The following PDE1A variants were observed in gnomAD, a reference collection of about 807,000 sequenced individuals.
PDE1A encodes the protein phosphodiesterase 1A, also known as dual specificity calcium/calmodulin-dependent 3',5'-cyclic nucleotide phosphodiesterase 1A.
In PDE1A, 35 loss-of-function variants were observed where a neutral mutation model predicts 61.7. The ratio of observed to expected loss-of-function variants is 0.57; its 90% confidence interval spans 0.43 to 0.75. PDE1A has a LOEUF of 0.75. PDE1A is among the 30% of genes least tolerant of loss of function. The pLI, the probability that PDE1A is intolerant of heterozygous loss-of-function variation, is 0.00. For synonymous variants in PDE1A, 232 were observed against 213.2 expected, an observed-to-expected ratio of 1.09 and a Z score of -0.77; for missense variants, 597 against 630.6, an observed-to-expected ratio of 0.95 and a Z score of 0.57.
At chr2:182,309,968 G>A (rs1695857907) in intron 1 of PDE1A, among the ~76,000 whole-genome samples, 1 of 152,100 alleles carries the variant, frequency 6.6e-6, no homozygotes, top group African/African-American at 2.4e-5. Context: ...CATCAAATTG[G>A]TTTTAGAAGT....
intron 2 of PDE1A, among the ~76,000 whole-genome samples, chr2:182,506,233 G>A (rs149875197): frequency 2.8e-3 from 420 of 152,088 alleles, no homozygotes; most frequent in African/African-American, 9.5e-3. Flanking sequence ...CAATCTGATC[G>A]AATTCTTTTT....
At chr2:182,300,467 A>G (rs1559312321) in intron 1 of PDE1A, among the ~76,000 whole-genome samples, 1 of 152,198 alleles carries the variant, frequency 6.6e-6, no homozygotes, top group Non-Finnish European at 1.5e-5. Flanking sequence ...AGACAATAGT[A>G]TGGACAAGCC....
chr2:182,265,549 T>G (rs1005517635), intron 1 of PDE1A, among the ~76,000 whole-genome samples: 3 of 152,138 alleles, frequency 2.0e-5, no homozygotes, highest in Non-Finnish European at 4.4e-5. Context: ...TTTTAAAGTA[T>G]AGGACTCAGC....
At chr2:182,646,100 T>A in the PDE1A span, among the ~76,000 whole-genome samples, 1 of 152,182 alleles carries the variant, frequency 6.6e-6, no homozygotes, top group South Asian at 2.1e-4. Flanking sequence ...CTTCAGCCAC[T>A]CTTTTACAGA....
chr2:182,564,126 G>C, the PDE1A span, among the ~76,000 whole-genome samples: 1 of 152,182 alleles, frequency 6.6e-6, no homozygotes, highest in Non-Finnish European at 1.5e-5. Context: ...TTGCTCGTTA[G>C]TTGATGCAGT....
At chr2:182,605,340 G>A in the PDE1A span, among the ~76,000 whole-genome samples, 1 of 152,052 alleles carries the variant, frequency 6.6e-6, no homozygotes, top group Non-Finnish European at 1.5e-5. Context: ...ATCAGTAGTG[G>A]CATATGAGAT....
At chr2:182,599,409 T>G in the PDE1A span, among the ~76,000 whole-genome samples, 30,955 of 152,042 alleles carry the variant, frequency 0.2, 3,339 homozygotes, top group Middle Eastern at 0.32. Context: ...ATGCCTTTTA[T>G]GACCCAGCCT....
chr2:182,679,393 G>A, the PDE1A span, among the ~76,000 whole-genome samples: 1 of 146,510 alleles, frequency 6.8e-6, no homozygotes, highest in African/African-American at 2.5e-5. Flanking sequence ...TAGAGACGGG[G>A]TTTCACCGTG....
At chr2:182,627,991 T>C in the PDE1A span, among the ~76,000 whole-genome samples, 1 of 151,176 alleles carries the variant, frequency 6.6e-6, no homozygotes, top group African/African-American at 2.4e-5. Context: ...AAAAAATTAA[T>C]TCAAATTATT....
At chr2:182,710,107 G>A in the PDE1A span, among the ~76,000 whole-genome samples, 12 of 152,154 alleles carry the variant, frequency 7.9e-5, no homozygotes, top group African/African-American at 9.7e-5. Context: ...ATGTTGGCCA[G>A]GATGGTCTCG....
intron 1 of PDE1A, among the ~76,000 whole-genome samples, chr2:182,278,877 C>T (rs1559288494): frequency 6.6e-6 from 1 of 151,918 alleles, no homozygotes; most frequent in African/African-American, 2.4e-5. Context: ...TAAAGTAAGC[C>T]AAACACAGTT....
chr2:182,564,180 C>T, the PDE1A span, among the ~76,000 whole-genome samples: 2 of 152,162 alleles, frequency 1.3e-5, no homozygotes, highest in East Asian at 1.9e-4. Flanking sequence ...CATGATTTTG[C>T]AGTGGCTGGT....
chr2:182,615,338 T>G, the PDE1A span, among the ~76,000 whole-genome samples: 2 of 151,992 alleles, frequency 1.3e-5, no homozygotes, highest in Non-Finnish European at 2.9e-5. Context: ...CCAGCTAAAA[T>G]GACAAGATCA....
intron 2 of PDE1A, among the ~76,000 whole-genome samples, chr2:182,512,474 A>T (rs1400063099): frequency 6.6e-6 from 1 of 152,214 alleles, no homozygotes; most frequent in African/African-American, 2.4e-5. Flanking sequence ...AACTTCAAAG[A>T]TTAAAGAAAC....
the PDE1A span, among the ~76,000 whole-genome samples, chr2:182,553,098 C>T: frequency 6.6e-6 from 1 of 152,234 alleles, no homozygotes; most frequent in Admixed American, 6.5e-5. Flanking sequence ...GGTCACTGGA[C>T]TCCACGGTTC....
intron 1 of PDE1A, among the ~76,000 whole-genome samples, chr2:182,413,880 C>A (rs946680649): frequency 2.0e-5 from 3 of 152,152 alleles, no homozygotes; most frequent in Admixed American, 6.5e-5. Flanking sequence ...ACTAGTGTTA[C>A]AAGGGACAAG....
At chr2:182,481,059 A>G (rs960145372) in intron 2 of PDE1A, among the ~76,000 whole-genome samples, 2 of 151,902 alleles carry the variant, frequency 1.3e-5, no homozygotes, top group African/African-American at 2.4e-5. Context: ...AGGGATGTGA[A>G]GAGTTTTACA....
the PDE1A span, among the ~76,000 whole-genome samples, chr2:182,572,986 A>G: frequency 6.6e-6 from 1 of 152,148 alleles, no homozygotes; most frequent in African/African-American, 2.4e-5. Context: ...TTCAACATCT[A>G]ACTTTCCTTT....
At chr2:182,399,411 G>A (rs950606440) in intron 1 of PDE1A, among the ~76,000 whole-genome samples, 2 of 151,754 alleles carry the variant, frequency 1.3e-5, no homozygotes, top group African/African-American at 2.4e-5. Flanking sequence ...CTAATCCCCG[G>A]AAACTCCTGA....
Sources: gnomAD v4.1 joint callset for allele counts (sites outside exome capture counted in the v4.1 genomes callset) on GRCh38, gnomAD v4.1.1 for gene constraint, MANE v1.5 for transcripts, NCBI Gene and HGNC (gene_info 2026-07-23, HGNC 2026-07-21) for gene names.